MAML3: variants seen among roughly 807,000 people sequenced by gnomAD.
The protein encoded by MAML3 is mastermind like transcriptional coactivator 3, also known as mastermind-like protein 3.
MAML3 carries 27 observed loss-of-function variants against 101.9 expected under a neutral mutation model. The observed-to-expected ratio is 0.27, with a 90% CI of 0.20 to 0.37. The LOEUF is 0.37. Ranked by LOEUF, MAML3 falls within the 10% of genes least tolerant of loss-of-function variation. The pLI is 1.00. For missense variants in MAML3, 1,316 were observed against 1,444.9 expected, an observed-to-expected ratio of 0.91 and a Z score of 1.45; for synonymous variants, 501 against 555.9, an observed-to-expected ratio of 0.90 and a Z score of 1.39.
intron 1 of MAML3, among the ~76,000 whole-genome samples, chr4:139,971,828 G>A (rs148579542): frequency 6.6e-6 from 1 of 152,212 alleles, no homozygotes; most frequent in African/African-American, 2.4e-5. Context: ...AAAAATCACA[G>A]TGTGAGCATT....
chr4:140,102,368 G>T (rs1728268682), intron 1 of MAML3, among the ~76,000 whole-genome samples: 1 of 152,200 alleles, frequency 6.6e-6, no homozygotes, highest in Non-Finnish European at 1.5e-5. Context: ...TTGAACAACA[G>T]AAATTTATTT....
At position 139,785,789 on chromosome 4, in the gene MAML3, G is replaced by A. The variant is rs1465089951; in HGVS notation, c.2080-55122C>T. On this transcript the variant is annotated intron_variant, in intron 2 of 4. Coordinates refer to ENST00000509479, the MANE Select transcript of MAML3 (RefSeq NM_018717.5). The surrounding 1 kb of genome is among the most constrained non-coding windows in gnomAD (Gnocchi z 4.3). Reference sequence around the variant, plus strand: ...TCCTTGATTGGCAAGTGAGCAGGGGGCAGCTTGTGGTTTGGAAGCTTCTCA... The same window carrying A: ...TCCTTGATTGGCAAGTGAGCAGGGGACAGCTTGTGGTTTGGAAGCTTCTCA... Among the ~76,000 whole-genome samples, 3 of 152,284 alleles carry A rather than the reference G, an allele frequency of 2.0e-5. No individual in the cohort carries two copies. Among genetic ancestry groups the A allele is most frequent in the African/African-American group, 7.2e-5 (3 of 41,558 alleles).
chr4:140,121,120 T>C (rs935528374), intron 1 of MAML3, among the ~76,000 whole-genome samples: 31 of 152,230 alleles, frequency 2.0e-4, no homozygotes, highest in African/African-American at 7.5e-4. Flanking sequence ...CGCATAAAAC[T>C]ATGATGAACT....
chr4:140,123,433 A>G (rs1265146714), intron 1 of MAML3, among the ~76,000 whole-genome samples: 4 of 152,180 alleles, frequency 2.6e-5, no homozygotes, highest in African/African-American at 9.7e-5. Context: ...TTAAAGATGT[A>G]CTTTTACAAG....
chr4:139,757,903 T>C lies in MAML3; in HGVS notation c.2080-27236A>G, dbSNP rs541305888. ...CTCTAGTATCACACCCAGGAAGCCC[T>C]CCCTGCCATCACCGTGGCTGGTCAC... is the stretch of plus-strand genomic sequence containing the variant. On this transcript the variant is annotated intron_variant, in intron 2 of 4. Transcript: ENST00000509479. 4.3e-3 allele frequency among the ~76,000 whole-genome samples: 652 copies of C among 152,190 alleles called. 4 individuals carry two copies. The highest frequency in any genetic ancestry group is 0.015 in the African/African-American group (628 of 41,508).
chr4:139,768,781 C>T (rs756888427), intron 2 of MAML3, among the ~76,000 whole-genome samples: 1 of 152,176 alleles, frequency 6.6e-6, no homozygotes, highest in Non-Finnish European at 1.5e-5. Context: ...GAAATCAAGG[C>T]CTGAAAGCTA....
intron 2 of MAML3, among the ~76,000 whole-genome samples, chr4:139,822,017 C>A (rs1419271453): frequency 6.6e-6 from 1 of 152,122 alleles, no homozygotes; most frequent in Non-Finnish European, 1.5e-5. Flanking sequence ...TTTTGCACAG[C>A]TTTCTTAGCT....
At chr4:139,983,333 G>A (rs894313322) in intron 1 of MAML3, among the ~76,000 whole-genome samples, 1 of 152,124 alleles carries the variant, frequency 6.6e-6, no homozygotes, top group African/African-American at 2.4e-5. Flanking sequence ...TTTATAGAAT[G>A]TCATAAAAAT....
intron 2 of MAML3, among the ~76,000 whole-genome samples, chr4:139,806,641 A>T (rs1283277179): frequency 1.3e-5 from 2 of 152,214 alleles, no homozygotes; most frequent in Non-Finnish European, 2.9e-5. Flanking sequence ...TCCACTGAAG[A>T]TAGATTTAAA....
chr4:140,130,571 T>C (rs1362703339), intron 1 of MAML3, among the ~76,000 whole-genome samples: 1 of 152,224 alleles, frequency 6.6e-6, no homozygotes, highest in Non-Finnish European at 1.5e-5. Flanking sequence ...AAAGAAGAGT[T>C]TTACTTAAAA....
At chr4:139,765,728 C>T (rs1043902648) in intron 2 of MAML3, among the ~76,000 whole-genome samples, 19 of 152,050 alleles carry the variant, frequency 1.2e-4, no homozygotes, top group Admixed American at 5.2e-4. Context: ...TGGCTCATGC[C>T]GGTAATCTCA....
At chr4:139,750,648 C>A (rs1200794446) in intron 2 of MAML3, among the ~76,000 whole-genome samples, 1 of 152,208 alleles carries the variant, frequency 6.6e-6, no homozygotes, top group East Asian at 1.9e-4. Context: ...TACCCTCCTG[C>A]AGCTGATAAA....
chr4:139,725,313 C>A (rs1467395139), intron 4 of MAML3, among the ~76,000 whole-genome samples: 1 of 152,162 alleles, frequency 6.6e-6, no homozygotes, highest in Non-Finnish European at 1.5e-5. Context: ...GGTCAGGTGA[C>A]CTGCTGGGAT....
chr4:140,118,230 A>G (rs1430577208), intron 1 of MAML3, among the ~76,000 whole-genome samples: 1 of 151,562 alleles, frequency 6.6e-6, no homozygotes, highest in African/African-American at 2.4e-5. Flanking sequence ...AGTCTTCTGG[A>G]ACCAGAATGC....
At chr4:139,765,943 T>C (rs1391408046) in intron 2 of MAML3, among the ~76,000 whole-genome samples, 3 of 152,136 alleles carry the variant, frequency 2.0e-5, no homozygotes, top group Non-Finnish European at 2.9e-5. Flanking sequence ...GCTATGATCA[T>C]ACCACTGCAT....
intron 2 of MAML3, among the ~76,000 whole-genome samples, chr4:139,767,288 T>G (rs1729880512): frequency 6.6e-6 from 1 of 152,238 alleles, no homozygotes; most frequent in Admixed American, 6.5e-5. Context: ...TTGTCTATGT[T>G]GATGTCAACC....
At position 140,049,823 on chromosome 4, in the gene MAML3, C is replaced by G. The variant is rs576343113; in HGVS notation, c.468+103037G>C. ...ACTTTGTTTTCACACCAGGGTGTTA[C>G]TAGAAAAGAAAAAGTAAAAGTGGGT... On this transcript the variant is annotated intron_variant, in intron 1 of 4. Transcript: ENST00000509479. 5.9e-5 allele frequency among the ~76,000 whole-genome samples: 9 copies of G among 151,582 alleles called. No homozygotes were observed. In the South Asian group the frequency reaches 1.7e-3, roughly 28 times the overall value.
chr4:139,764,549 G>GAGAT (rs1729815572), intron 2 of MAML3, among the ~76,000 whole-genome samples: 1 of 152,208 alleles, frequency 6.6e-6, no homozygotes, highest in Admixed American at 6.5e-5. Context: ...GGGGCTAATA[G>GAGAT]AGATTACCCT....
At chr4:140,120,961 C>T (rs1332563883) in intron 1 of MAML3, among the ~76,000 whole-genome samples, 1 of 151,074 alleles carries the variant, frequency 6.6e-6, no homozygotes, top group African/African-American at 2.4e-5. Context: ...GGCTAAACAC[C>T]GAATCCACAC....
Sources: allele counts gnomAD v4.1 joint callset (sites outside exome capture counted in the v4.1 genomes callset), GRCh38; gene constraint gnomAD v4.1.1; non-coding constraint Gnocchi (gnomAD v3.1); transcripts MANE v1.5; gene names NCBI Gene and HGNC (gene_info 2026-07-23, HGNC 2026-07-21).